The following TET3 variants were observed in gnomAD, a reference collection of about 807,000 sequenced individuals.
The protein encoded by TET3 is tet methylcytosine dioxygenase 3.
Under a neutral mutation model 141.4 loss-of-function variants are expected in TET3, and 19 were observed. The observed-to-expected ratio is 0.13, with a 90% CI of 0.09 to 0.20. TET3 has a LOEUF of 0.20. Ranked by LOEUF, TET3 falls within the 10% of genes least tolerant of loss-of-function variation. TET3 has a pLI of 1.00. For missense variants in TET3, 1,874 were observed against 2,356.9 expected (o/e 0.80, Z 4.24); for synonymous variants, 1,043 against 980.9 (o/e 1.06, Z -1.18).
intron 8 of TET3, among the ~76,000 whole-genome samples, chr2:74,091,234 T>A (rs1331289102): frequency 6.6e-6 from 1 of 152,176 alleles, no homozygotes; most frequent in African/African-American, 2.4e-5. Flanking sequence ...CTTCAATGAA[T>A]GGAGCCCTGG....
chr2:74,000,588 G>C (rs1173816522), intron 2 of TET3, among the ~76,000 whole-genome samples: 3 of 152,116 alleles, frequency 2.0e-5, no homozygotes, highest in Non-Finnish European at 4.4e-5. Context: ...AAGTCTCTGA[G>C]GCATGAAAAC....
At chr2:74,067,290 A>C (rs116505716) in intron 4 of TET3, among the ~76,000 whole-genome samples, 9,325 of 152,336 alleles carry the variant, frequency 0.061, 399 homozygotes, top group Non-Finnish European at 0.09. Flanking sequence ...ATCTTCAACA[A>C]TTCTATTATG....
At chr2:74,011,700 G>C (rs1685444488) in intron 3 of TET3, among the ~76,000 whole-genome samples, 1 of 151,998 alleles carries the variant, frequency 6.6e-6, no homozygotes, top group Non-Finnish European at 1.5e-5. Context: ...CTTGTATTCT[G>C]TTTTTTGATT....
chr2:74,027,359 TAC>T (rs1326602309), intron 3 of TET3, among the ~76,000 whole-genome samples: 3 of 147,472 alleles, frequency 2.0e-5, no homozygotes, highest in African/African-American at 5.0e-5. Flanking sequence ...TTTTTGAAAT[TAC>T]AGTTTTATTG....
At chr2:74,080,778 G>GGAATGA (rs1689772057) in intron 6 of TET3, among the ~76,000 whole-genome samples, 187 bp downstream of exon 6, 1 of 152,272 alleles carries the variant, frequency 6.6e-6, no homozygotes, top group East Asian at 1.9e-4. Flanking sequence ...ATCTGGCTCA[G>GGAATGA]GGTTAGGGTC....
chr2:73,986,636 G>A lies in TET3; in HGVS notation c.233G>A (p.Arg78His). Reference sequence around the variant, plus strand: ...GGCGCTTGCACTAGCTGTACCAACCGCCGCACGCACCAGATCTGCAAACTG... The same window carrying A: ...GGCGCTTGCACTAGCTGTACCAACCACCGCACGCACCAGATCTGCAAACTG... Reference protein sequence around the residue: ...NCGACTSCTNRRTHQICKLRK... With the variant: ...NCGACTSCTNHRTHQICKLRK... Residue 78 changes from arginine to histidine, a missense_variant, in exon 2 of 12, where the codon CGC becomes CAC. Arg to His is a conservative substitution (Grantham distance 29). Around this residue, in one of 10 missense-constraint regions of TET3, gnomAD observed 366 missense variants for 487.0 expected, o/e 0.75. Coordinates refer to ENST00000409262, the MANE Select transcript of TET3 (RefSeq NM_001287491.2). 2 of 1,232,148 alleles carry A rather than the reference G, an allele frequency of 1.6e-6. No homozygotes were observed. Among genetic ancestry groups the A allele is most frequent in the South Asian group, 8.2e-5 (2 of 24,322 alleles). 76.3% of individuals were successfully genotyped at this position (1,232,148 alleles called of 1,614,324 possible). A position where few individuals can be genotyped will look rare whatever the true frequency, so the allele number is the denominator to read the frequency against.
intron 2 of TET3, chr2:73,993,433 G>A (rs1399322993): frequency 1.3e-5 from 2 of 152,214 alleles, no homozygotes; most frequent in African/African-American, 4.8e-5. Flanking sequence ...ATCCCCAGGT[G>A]ATTTGTATGT....
rs192991871 is a variant in TET3, at chr2:74,015,456, T to G, written c.360+12290T>G. On this transcript the variant is annotated intron_variant, in intron 3 of 11. Transcript: ENST00000409262. ...CTTTCCAGACTTAAAAATGAGTACA[T>G]GAACTTACTGCCTTCCTGCAGTAAT... Among the ~76,000 whole-genome samples, 501 of 152,350 alleles carry G rather than the reference T, an allele frequency of 3.3e-3. 2 individuals carry two copies. The highest frequency in any genetic ancestry group is 0.012 in the African/African-American group (488 of 41,592).
At chr2:74,005,473 G>T (rs1465800074) in intron 3 of TET3, among the ~76,000 whole-genome samples, 1 of 152,196 alleles carries the variant, frequency 6.6e-6, no homozygotes, top group Non-Finnish European at 1.5e-5. Flanking sequence ...GTTTCCTTGG[G>T]TGGCCAGTTG....
intron 4 of TET3, among the ~76,000 whole-genome samples, chr2:74,071,073 C>G (rs181002889): frequency 1.6e-4 from 24 of 152,308 alleles, no homozygotes; most frequent in African/African-American, 5.8e-4. Flanking sequence ...ACCAGCAGAT[C>G]TGGTGTCTGT....
intron 3 of TET3, among the ~76,000 whole-genome samples, chr2:74,030,537 T>C (rs2105287743): frequency 6.6e-6 from 1 of 152,360 alleles, no homozygotes; most frequent in South Asian, 2.1e-4. Context: ...CACTGCTTGA[T>C]GGAAGTAGTC....
rs768918625 is a variant in TET3 at position 74,101,674 on chromosome 2, G to T, written c.4886G>T (p.Gly1629Val). 1 of 1,613,684 alleles carries T rather than the reference G, an allele frequency of 6.2e-7. No individual in the cohort carries two copies. Among genetic ancestry groups the T allele is most frequent in the South Asian group, 1.1e-5 (1 of 91,086 alleles). ...GCGGTGAAGGAGGAGAAGGGCGGTG[G>T]TGGTGCGGAGGAGGAAGAGGAGGAG... ...KGAVKEEKGG[G>V]GAEEEEEELW... Residue 1629 changes from glycine to valine, a missense_variant, in exon 12 of 12, where the codon GGT becomes GTT. Gly to Val is a moderately radical substitution (Grantham distance 109). Coordinates refer to ENST00000409262, the MANE Select transcript of TET3 (RefSeq NM_001287491.2). This position sits in a 1 kb window ranked among gnomAD's most constrained non-coding sequence, Gnocchi z 8.5.
At chr2:74,109,960 G>A (rs1037240910), downstream of TET3, among the ~76,000 whole-genome samples, 5 of 152,168 alleles carry the variant, frequency 3.3e-5, no homozygotes, top group Admixed American at 1.3e-4. Context: ...TTTGATGAGG[G>A]TTTCATCTCC....
In TET3 at chr2:74,006,817, A is replaced by G. The variant is rs1037132091; in HGVS notation, c.360+3651A>G. Among the ~76,000 whole-genome samples the G allele has an allele frequency of 7.2e-5, 11 of 152,306 alleles. No individual in the cohort carries two copies. In the South Asian group the frequency reaches 1.2e-3, roughly 17 times the overall value. ...TTCCTCTCACACCCGGGCATCTGGC[A>G]GTTAGCTGAGGACTCCCCCTTGTTC... On this transcript the variant is annotated intron_variant, in intron 3 of 11. Transcript: ENST00000409262.
At chr2:74,002,695 G>T in intron 2 of TET3, 1 of 429,344 alleles carries the variant, frequency 2.3e-6, no homozygotes, top group South Asian at 6.3e-5. Context: ...GGGGAGCGCA[G>T]CCGGCAGCTG....
rs117782592 is a variant in TET3 at position 74,053,712 on chromosome 2, G to A, written c.2494+5301G>A. Among the ~76,000 whole-genome samples the A allele has an allele frequency of 4.7e-4, 71 of 152,290 alleles. 1 individual carries two copies. In the East Asian group the frequency reaches 0.013, roughly 28 times the overall value. On this transcript the variant is annotated intron_variant, in intron 4 of 11. Coordinates refer to ENST00000409262, the MANE Select transcript of TET3 (RefSeq NM_001287491.2). ...GCATTGTCCAGCGAATGTGGCTGAT[G>A]GCATGTCCATCAGGGAATTTCAAAT...
intron 3 of TET3, among the ~76,000 whole-genome samples, chr2:74,038,027 G>C (rs1267314257): frequency 6.6e-6 from 1 of 152,188 alleles, no homozygotes; most frequent in African/African-American, 2.4e-5. Context: ...GGGGAGAGCA[G>C]GGTGCTGCTG....
At chr2:74,034,109 A>T (rs1686897751) in intron 3 of TET3, among the ~76,000 whole-genome samples, 1 of 152,006 alleles carries the variant, frequency 6.6e-6, no homozygotes. Flanking sequence ...AGAAAAAAAA[A>T]GAAAAAGAGA....
chr2:73,993,304 C>G (rs1684426243), intron 2 of TET3: 1 of 152,268 alleles, frequency 6.6e-6, no homozygotes, highest in Admixed American at 6.5e-5. Context: ...TCCACAGCCT[C>G]ACTTCCACCT....
Sources: gnomAD v4.1 joint callset for allele counts (sites outside exome capture counted in the v4.1 genomes callset) on GRCh38, gnomAD v4.1.1 for gene constraint, gnomAD v4.1.1 regional missense constraint, Gnocchi (gnomAD v3.1) non-coding constraint, MANE v1.5 for transcripts, NCBI Gene and HGNC (gene_info 2026-07-23, HGNC 2026-07-21) for gene names.